The following NRXN1 variants were observed in gnomAD, a reference collection of about 807,000 sequenced individuals.
NRXN1 encodes the protein neurexin-1.
A neutral mutation model predicts 150.9 loss-of-function variants in NRXN1; 39 were observed. The ratio of observed to expected loss-of-function variants is 0.26; its 90% confidence interval spans 0.20 to 0.34. NRXN1 has a LOEUF of 0.34. Among genes scored for constraint, NRXN1 ranks in the 10% least tolerant of loss-of-function variants. NRXN1 has a pLI of 1.00. For synonymous variants in NRXN1, 924 were observed against 757.0 expected, an observed-to-expected ratio of 1.22 and a Z score of -3.62; for missense variants, 1,815 against 1,949.9, an observed-to-expected ratio of 0.93 and a Z score of 1.30.
chr2:50,793,028 G>A (rs555306849), intron 5 of NRXN1, among the ~76,000 whole-genome samples: 2 of 152,110 alleles, frequency 1.3e-5, no homozygotes, highest in South Asian at 4.1e-4. Flanking sequence ...CTTTAGGAAG[G>A]AAGGGAAATT....
intron 15 of NRXN1, among the ~76,000 whole-genome samples, chr2:50,472,925 GA>G: frequency 6.6e-6 from 1 of 151,716 alleles, no homozygotes; most frequent in East Asian, 1.9e-4. Context: ...ATGATTAAAT[GA>G]GATGAAATAT....
In NRXN1 at chr2:49,957,207, G is replaced by A. The variant is rs72885897; in HGVS notation, c.4129-13416C>T. ...TTACTAGCTGTGTAACCCTGGGCAAGTTCCCCAACTTCTCTGGATTTCTTT... is the reference window on the plus strand; with the variant it reads ...TTACTAGCTGTGTAACCCTGGGCAAATTCCCCAACTTCTCTGGATTTCTTT... On this transcript the variant is annotated intron_variant, in intron 21 of 22. Transcript: ENST00000401669. Among the ~76,000 whole-genome samples, 867 of 152,212 alleles carry A rather than the reference G, an allele frequency of 5.7e-3. 7 individuals are homozygous for A. The highest frequency in any genetic ancestry group is 0.02 in the African/African-American group (838 of 41,530).
intron 17 of NRXN1, among the ~76,000 whole-genome samples, chr2:50,273,001 T>C (rs968075306): frequency 5.9e-5 from 9 of 152,126 alleles, no homozygotes; most frequent in African/African-American, 2.2e-4. Flanking sequence ...ATTTAAGAAA[T>C]TGAAGAAACA....
intron 21 of NRXN1, among the ~76,000 whole-genome samples, chr2:49,974,408 CG>C (rs908938833): frequency 2.6e-5 from 4 of 151,966 alleles, no homozygotes; most frequent in South Asian, 2.1e-4. Flanking sequence ...AACCCCCGAC[CG>C]AAAAAAAGGC....
At chr2:50,455,610 G>A (rs1164159160) in intron 17 of NRXN1, among the ~76,000 whole-genome samples, 1 of 152,098 alleles carries the variant, frequency 6.6e-6, no homozygotes, top group Non-Finnish European at 1.5e-5. Context: ...AGAGGAAATG[G>A]TATTTCTCTG....
intron 8 of NRXN1, among the ~76,000 whole-genome samples, chr2:50,582,477 C>CAAAA (rs1449103234): frequency 3.1e-5 from 1 of 31,856 alleles, no homozygotes; most frequent in Non-Finnish European, 4.8e-5. Flanking sequence ...AGACTCGTCT[C>CAAAA]CAAAAAAAAA....
chr2:50,563,783 A>G (rs567447192), intron 8 of NRXN1, among the ~76,000 whole-genome samples: 1 of 152,196 alleles, frequency 6.6e-6, no homozygotes, highest in Non-Finnish European at 1.5e-5. Flanking sequence ...TAGGACTTCT[A>G]TGCTTCCTCA....
intron 5 of NRXN1, among the ~76,000 whole-genome samples, chr2:50,902,102 C>T (rs1235545026): frequency 6.6e-6 from 1 of 151,946 alleles, no homozygotes; most frequent in African/African-American, 2.4e-5. Context: ...TTTAGAAAAG[C>T]GTAACCTCAA....
At chr2:50,133,143 T>A (rs1705802377) in intron 18 of NRXN1, among the ~76,000 whole-genome samples, 1 of 152,086 alleles carries the variant, frequency 6.6e-6, no homozygotes, top group African/African-American at 2.4e-5. Flanking sequence ...CAGCAAAAAA[T>A]GCAGTTTTGA....
At chr2:50,809,274 G>A (rs1427779478) in intron 5 of NRXN1, among the ~76,000 whole-genome samples, 1 of 151,986 alleles carries the variant, frequency 6.6e-6, no homozygotes, top group African/African-American at 2.4e-5. Context: ...GAATAAATCA[G>A]GATACTTCCT....
intron 8 of NRXN1, among the ~76,000 whole-genome samples, chr2:50,565,457 T>C (rs1355996598): frequency 6.6e-6 from 1 of 152,108 alleles, no homozygotes; most frequent in African/African-American, 2.4e-5. Flanking sequence ...AGTATCCAGA[T>C]GGCTATGTTT....
intron 5 of NRXN1, among the ~76,000 whole-genome samples, chr2:50,750,547 A>G (rs1351859643): frequency 6.6e-6 from 1 of 152,040 alleles, no homozygotes; most frequent in African/African-American, 2.4e-5. Context: ...CATATGTAAC[A>G]AACCTGCATG....
intron 5 of NRXN1, among the ~76,000 whole-genome samples, chr2:50,711,168 T>A (rs1203081878): frequency 6.6e-6 from 1 of 152,102 alleles, no homozygotes; most frequent in Non-Finnish European, 1.5e-5. Flanking sequence ...AGGCTCTATC[T>A]AAACCAGTGG....
At chr2:50,508,080 T>C (rs893670296) in intron 12 of NRXN1, among the ~76,000 whole-genome samples, 6 of 152,136 alleles carry the variant, frequency 3.9e-5, no homozygotes, top group African/African-American at 9.7e-5. Flanking sequence ...CATGAGATCA[T>C]TGTTTTCTTT....
At chr2:50,350,927 G>A (rs1443331229) in intron 17 of NRXN1, among the ~76,000 whole-genome samples, 4 of 152,146 alleles carry the variant, frequency 2.6e-5, no homozygotes, top group Non-Finnish European at 2.9e-5. Flanking sequence ...GCAATACTTA[G>A]GAGGTTCTAG....
intron 5 of NRXN1, among the ~76,000 whole-genome samples, chr2:50,772,292 C>G (rs986203571): frequency 1.3e-5 from 2 of 151,436 alleles, no homozygotes. Flanking sequence ...GAAATTCTTT[C>G]CACATTATCT....
chr2:50,240,035 A>G (rs543063019), intron 17 of NRXN1, among the ~76,000 whole-genome samples: 13 of 151,644 alleles, frequency 8.6e-5, no homozygotes, highest in African/African-American at 3.1e-4. Context: ...TTGAAGTTTT[A>G]CACTTTCAGT....
At chr2:50,160,926 C>A (rs13410042) in intron 18 of NRXN1, among the ~76,000 whole-genome samples, 35,924 of 151,820 alleles carry the variant, frequency 0.24, 4,365 homozygotes, top group Middle Eastern at 0.29. Flanking sequence ...ATAGTAGCAT[C>A]CTATGAAAAG....
At chr2:50,533,101 G>A (rs1226840067) in intron 10 of NRXN1, among the ~76,000 whole-genome samples, 1 of 152,092 alleles carries the variant, frequency 6.6e-6, no homozygotes, top group East Asian at 1.9e-4. Context: ...ATCACTATTT[G>A]TTGTCATGAT....
Sources: gnomAD v4.1 joint callset for allele counts (sites outside exome capture counted in the v4.1 genomes callset) on GRCh38, gnomAD v4.1.1 for gene constraint, MANE v1.5 for transcripts, NCBI Gene and HGNC (gene_info 2026-07-23, HGNC 2026-07-21) for gene names.